The following CCDC180 variants were observed in gnomAD, a reference collection of about 807,000 sequenced individuals.
CCDC180 encodes the protein coiled-coil domain-containing protein 180.
Under a neutral mutation model 209.2 loss-of-function variants are expected in CCDC180, and 154 were observed. That is an observed-to-expected ratio of 0.74 (90% CI 0.65 to 0.84). The LOEUF is 0.84. Ranked by LOEUF, CCDC180 falls within the 40% of genes least tolerant of loss-of-function variation. The pLI is 0.00. For missense variants in CCDC180, 1,874 were observed against 1,997.3 expected (o/e 0.94, Z 1.18); for synonymous variants, 778 against 749.1 (o/e 1.04, Z -0.63).
At position 97,314,679 on chromosome 9, in the gene CCDC180, A is replaced by G; in HGVS notation, c.650A>G (p.Lys217Arg). Residue 217 changes from lysine to arginine, a missense_variant, in exon 7 of 37, where the codon AAG becomes AGG. Physicochemically the swap from Lys to Arg is conservative, Grantham distance 26 (BLOSUM62 2). Coordinates refer to ENST00000529487, the MANE Select transcript of CCDC180 (RefSeq NM_020893.6). The stretch of plus-strand genomic sequence containing the variant: ...TTACTGCTCCGGAAGCAGGAGATTA[A>G]GGAGCTGGATGAGGCCCTGCACTCG... ...GRLLLRKQEI[K>R]ELDEALHSLE... 2 of 1,614,074 alleles carry G rather than the reference A, an allele frequency of 1.2e-6. No homozygotes were observed. The highest frequency in any genetic ancestry group is 2.2e-5 in the South Asian group (2 of 91,078).
At chr9:97,321,963 A>G (rs557705017) in intron 11 of CCDC180, among the ~76,000 whole-genome samples, 1 of 152,288 alleles carries the variant, frequency 6.6e-6, no homozygotes, top group African/African-American at 2.4e-5. Context: ...TCTGCTGGCC[A>G]CGTGGGCTGC....
Position 97,330,191 on chromosome 9 carries a change from C to G in CCDC180, c.1826C>G (p.Pro609Arg). The G allele has an allele frequency of 1.9e-6, 3 of 1,613,944 alleles. No individual in the cohort carries two copies. Among genetic ancestry groups the G allele is most frequent in the Non-Finnish European group, 1.7e-6 (2 of 1,179,982 alleles). Residue 609 changes from proline (P) to arginine (R), a missense_variant and splice_region_variant, in exon 17 of 37, where the codon CCA becomes CGA. Transcript: ENST00000529487. ...GAAGTCATTTTCAAATTCAGGCAACCAGGTAACACTTTTTCAATTCAAGTT... is the reference window on the plus strand; with the variant it reads ...GAAGTCATTTTCAAATTCAGGCAACGAGGTAACACTTTTTCAATTCAAGTT... ...AGEVIFKFRQPEAHEKPSQKR... is the reference protein window; with the variant it reads ...AGEVIFKFRQREAHEKPSQKR...
intron 22 of CCDC180, among the ~76,000 whole-genome samples, chr9:97,353,226 A>G (rs1377717663): frequency 6.6e-6 from 1 of 152,018 alleles, no homozygotes; most frequent in African/African-American, 2.4e-5. Context: ...TGAACTCCTG[A>G]CCTCAAGTGA....
intron 22 of CCDC180, among the ~76,000 whole-genome samples, chr9:97,351,871 G>A (rs1486778488): frequency 6.6e-6 from 1 of 152,168 alleles, no homozygotes; most frequent in Non-Finnish European, 1.5e-5. Flanking sequence ...CCAGCATTTT[G>A]GGATTCTGAG....
At chr9:97,313,809 G>A (rs981994147) in intron 5 of CCDC180, among the ~76,000 whole-genome samples, 4 of 152,156 alleles carry the variant, frequency 2.6e-5, no homozygotes, top group Non-Finnish European at 5.9e-5. Context: ...CACACACACT[G>A]GTGTCTGGAA....
At chr9:97,370,544 ACATGAG>A (rs1375763890) in intron 32 of CCDC180, 91 bp from the exon 33 acceptor site, 1 of 1,394,294 alleles carries the variant, frequency 7.2e-7, no homozygotes, top group Admixed American at 1.8e-5. Context: ...AGGTCAGAGG[ACATGAG>A]TCTGGCCATA....
intron 31 of CCDC180, among the ~76,000 whole-genome samples, chr9:97,368,059 T>C (rs1826975739): frequency 6.6e-6 from 1 of 152,224 alleles, no homozygotes; most frequent in African/African-American, 2.4e-5. Context: ...TGCTACAGAC[T>C]GCACCCCTCT....
In CCDC180 at chr9:97,326,632, G is replaced by A. The variant is rs1159860389; in HGVS notation, c.1624G>A (p.Glu542Lys). 1 of 1,613,624 alleles carries A rather than the reference G, an allele frequency of 6.2e-7. No individual in the cohort carries two copies. Among genetic ancestry groups the A allele is most frequent in the South Asian group, 1.1e-5 (1 of 91,074 alleles). Reference sequence around the variant, plus strand: ...CAAAGAAACACTGGCGTTTCACCTGGAAAAGGTCAAAGATTATCTGAAGAA... The same window carrying A: ...CAAAGAAACACTGGCGTTTCACCTGAAAAAGGTCAAAGATTATCTGAAGAA... Reference protein sequence around the residue: ...SDKETLAFHLEKVKDYLKNMK... With the variant: ...SDKETLAFHLKKVKDYLKNMK... Residue 542 changes from glutamate to lysine, a missense_variant, in exon 15 of 37, where the codon GAA becomes AAA. Glu to Lys is a moderately conservative substitution (Grantham distance 56). Coordinates refer to ENST00000529487, the MANE Select transcript of CCDC180 (RefSeq NM_020893.6).
Position 97,312,221 on chromosome 9 carries a change from C to T in CCDC180, c.349+20C>T. Reference sequence around the variant, plus strand: ...CTATAGGTGAGCCTCCATTCAGCCTCAAGGCAGGCCTGTCCTGGGCCAGGA... The same window carrying T: ...CTATAGGTGAGCCTCCATTCAGCCTTAAGGCAGGCCTGTCCTGGGCCAGGA... On this transcript the variant is annotated intron_variant, in intron 4 of 36. Coordinates refer to ENST00000529487, the MANE Select transcript of CCDC180 (RefSeq NM_020893.6). 1 of 1,606,984 alleles carries T rather than the reference C, an allele frequency of 6.2e-7. No homozygotes were observed.
chr9:97,349,809 G>A (rs1032111941), intron 21 of CCDC180, among the ~76,000 whole-genome samples: 1 of 152,166 alleles, frequency 6.6e-6, no homozygotes, highest in Non-Finnish European at 1.5e-5. Context: ...AAGTGTCTAC[G>A]CAGCCATCAG....
chr9:97,351,340 T>C (rs1826414888), intron 22 of CCDC180, among the ~76,000 whole-genome samples: 1 of 152,218 alleles, frequency 6.6e-6, no homozygotes, highest in African/African-American at 2.4e-5. Context: ...TTTTTGTTTT[T>C]TATAATAGAC....
intron 36 of CCDC180, chr9:97,375,830 C>CT: frequency 7.4e-6 from 4 of 541,762 alleles, no homozygotes; most frequent in Non-Finnish European, 9.8e-6. Flanking sequence ...GAGGGACATC[C>CT]CACCCAGATT....
Position 97,307,973 on chromosome 9 carries a change from C to T in CCDC180, c.-81-10C>T. 1 of 1,586,586 alleles carries T rather than the reference C, an allele frequency of 6.3e-7. No homozygotes were observed. Among genetic ancestry groups the T allele is most frequent in the Non-Finnish European group, 8.6e-7 (1 of 1,165,014 alleles). On this transcript the variant is annotated splice_polypyrimidine_tract_variant and intron_variant, in intron 1 of 36. Coordinates refer to ENST00000529487, the MANE Select transcript of CCDC180 (RefSeq NM_020893.6). The stretch of plus-strand genomic sequence containing the variant: ...ACCTGAGTTTGGGACGGGCGATTTC[C>T]CAACCTCAGGAATTGGAATTGAGAC...
At position 97,330,565 on chromosome 9, in the gene CCDC180, A is replaced by G. The variant is rs1334666915; in HGVS notation, c.2072A>G (p.Gln691Arg). 6.2e-7 allele frequency: 1 copy of G among 1,614,048 alleles called. No individual in the cohort carries two copies. Among genetic ancestry groups the G allele is most frequent in the Non-Finnish European group, 8.5e-7 (1 of 1,180,046 alleles). The change falls in exon 18 of 37, where the codon CAG becomes CGG. Residue 691 changes from glutamine to arginine, a missense_variant. Physicochemically the swap from Gln to Arg is conservative, Grantham distance 43. Coordinates refer to ENST00000529487, the MANE Select transcript of CCDC180 (RefSeq NM_020893.6). ...KMDESKEGSI[Q>R]GLEEMQVERE... ...GATGAGTCCAAAGAAGGCTCTATTC[A>G]GGGACTGGAAGAAATGCAGGTTGAA...
At chr9:97,336,637 G>C (rs1181516459) in intron 18 of CCDC180, among the ~76,000 whole-genome samples, 3 of 152,170 alleles carry the variant, frequency 2.0e-5, no homozygotes, top group Non-Finnish European at 4.4e-5. Context: ...GATTGTCTTG[G>C]CAATGCAGGC....
At chr9:97,354,452 C>T (rs1826509599) in intron 22 of CCDC180, 117 bp from the exon 23 acceptor site, 10 of 998,776 alleles carry the variant, frequency 1.0e-5, no homozygotes, top group Middle Eastern at 4.9e-4. Flanking sequence ...CATTTTCCCA[C>T]ATCTTGAACT....
chr9:97,315,135 C>T (rs949518079), intron 8 of CCDC180, among the ~76,000 whole-genome samples, 189 bp downstream of exon 8: 4 of 152,158 alleles, frequency 2.6e-5, no homozygotes, highest in Non-Finnish European at 5.9e-5. Flanking sequence ...CTTGCTATCT[C>T]TCTTTTCAAT....
intron 28 of CCDC180, 108 bp from the exon 29 acceptor site, chr9:97,363,943 A>G (rs755226947): frequency 6.7e-6 from 7 of 1,047,642 alleles, no homozygotes; most frequent in African/African-American, 3.2e-5. Context: ...CCGGTTGCCC[A>G]CGGGCAGGCC....
In CCDC180 at chr9:97,347,442, A is replaced by C; in HGVS notation, c.2627A>C (p.Gln876Pro). The C allele has an allele frequency of 6.5e-7, 1 of 1,536,176 alleles. No individual in the cohort carries two copies. The highest frequency in any genetic ancestry group is 8.7e-7 in the Non-Finnish European group (1 of 1,146,914). The change falls in exon 20 of 37, where the codon CAG (glutamine) becomes CCG (proline). Residue 876 changes from glutamine (Q) to proline (P), a missense_variant. By Grantham distance (76) the Gln-to-Pro change is moderately conservative. Transcript: ENST00000529487. The part of the protein sequence containing the change: ...SELELHLHLH[Q>P]PRAQQIEKDI... ...CTGGAGCTGCATCTGCACCTGCACC[A>C]GCCAAGAGCCCAGCAGATTGAAAAA...
Sources: allele counts gnomAD v4.1 joint callset (sites outside exome capture counted in the v4.1 genomes callset), GRCh38; gene constraint gnomAD v4.1.1; transcripts MANE v1.5; gene names NCBI Gene and HGNC (gene_info 2026-07-23, HGNC 2026-07-21).